CIROZ: variants seen among roughly 807,000 people sequenced by gnomAD.
CIROZ encodes the protein ciliated left-right organizer protein containing ZP-N domains, also known as ciliated left-right organizer ZP-N domains-containing protein.
the CIROZ span, chr1:10,949,911 G>A: frequency 2.6e-6 from 3 of 1,158,330 alleles, no homozygotes; most frequent in Non-Finnish European, 3.6e-6. Context: ...TTTTCCACAG[G>A]TGGGGAACGG....
the CIROZ span, among the ~76,000 whole-genome samples, chr1:10,947,416 C>T: frequency 2.4e-3 from 369 of 152,374 alleles, 1 homozygote; most frequent in African/African-American, 8.5e-3. Flanking sequence ...TCCATGGCAG[C>T]AGCTGGTACC....
the CIROZ span, among the ~76,000 whole-genome samples, chr1:10,950,263 G>A: frequency 1.4e-4 from 22 of 152,080 alleles, no homozygotes; most frequent in East Asian, 1.7e-3. Flanking sequence ...TCGAACTCCC[G>A]ACCTCAAATG....
the CIROZ span, chr1:10,954,841 C>T: frequency 1.2e-6 from 1 of 806,346 alleles, no homozygotes; most frequent in Non-Finnish European, 1.9e-6. Flanking sequence ...GACGCTCCGG[C>T]CTCGGCTTCC....
chr1:10,965,121 T>G, the CIROZ span, among the ~76,000 whole-genome samples: 1 of 151,992 alleles, frequency 6.6e-6, no homozygotes. Flanking sequence ...CCTCCCAGGC[T>G]GCCCTCATTC....
At chr1:10,981,997 A>T in the CIROZ span, 1 of 1,537,176 alleles carries the variant, frequency 6.5e-7, no homozygotes, top group East Asian at 2.4e-5. Context: ...CAATTCCTGA[A>T]TAAGGGACAC....
At chr1:10,975,590 G>GAA in the CIROZ span, among the ~76,000 whole-genome samples, 6 of 98,618 alleles carry the variant, frequency 6.1e-5, no homozygotes, top group Non-Finnish European at 8.6e-5. Context: ...CTCTGTCTCA[G>GAA]AAAAAAAAAA....
At chr1:10,968,025 G>GA in the CIROZ span, among the ~76,000 whole-genome samples, 1 of 151,680 alleles carries the variant, frequency 6.6e-6, no homozygotes, top group Non-Finnish European at 1.5e-5. Context: ...CGGCGCGGTG[G>GA]GGGGGCACCT....
At chr1:10,956,886 G>T in the CIROZ span, 1 of 722,630 alleles carries the variant, frequency 1.4e-6, no homozygotes, top group Non-Finnish European at 2.2e-6. Flanking sequence ...TTTCTGAAAC[G>T]CATAGCCAAG....
At chr1:10,973,919 G>A in the CIROZ span, among the ~76,000 whole-genome samples, 13 of 152,060 alleles carry the variant, frequency 8.5e-5, 1 homozygote, top group East Asian at 2.3e-3. Flanking sequence ...GGAGCTGGGT[G>A]TCTCTGCAGC....
the CIROZ span, among the ~76,000 whole-genome samples, chr1:10,969,457 A>G: frequency 6.6e-6 from 1 of 152,174 alleles, no homozygotes; most frequent in African/African-American, 2.4e-5. Context: ...CCCACCAAGC[A>G]TGTGATGGCC....
the CIROZ span, chr1:10,949,518 G>A: frequency 1.8e-5 from 22 of 1,225,542 alleles, no homozygotes; most frequent in East Asian, 5.6e-4. Flanking sequence ...TTGGAAGAAT[G>A]GTGGTGAAAG....
At chr1:10,966,458 A>G in the CIROZ span, 3 of 1,535,844 alleles carry the variant, frequency 2.0e-6, no homozygotes, top group Non-Finnish European at 2.6e-6. Context: ...AGAAGAATCC[A>G]GGTGGTCAGG....
the CIROZ span, among the ~76,000 whole-genome samples, chr1:10,973,072 G>A: frequency 6.6e-6 from 1 of 152,288 alleles, no homozygotes; most frequent in Admixed American, 6.5e-5. Flanking sequence ...GCCTCTGGAG[G>A]GGCTCAAGAC....
At chr1:10,965,818 G>A in the CIROZ span, among the ~76,000 whole-genome samples, 77 of 145,794 alleles carry the variant, frequency 5.3e-4, no homozygotes, top group Middle Eastern at 3.4e-3. Context: ...GCGAGCCTCC[G>A]TCAAAAAAAA....
At chr1:10,969,623 T>G in the CIROZ span, among the ~76,000 whole-genome samples, 4 of 152,326 alleles carry the variant, frequency 2.6e-5, no homozygotes, top group African/African-American at 9.6e-5. Flanking sequence ...GGGAATCTTC[T>G]AAGCACCAGG....
the CIROZ span, chr1:10,948,236 G>A: frequency 6.2e-7 from 1 of 1,613,956 alleles, no homozygotes; most frequent in African/African-American, 1.3e-5. Flanking sequence ...CCCCCTCCCT[G>A]GGGAGACCAG....
the CIROZ span, among the ~76,000 whole-genome samples, chr1:10,952,642 G>C: frequency 6.6e-6 from 1 of 152,156 alleles, no homozygotes; most frequent in African/African-American, 2.4e-5. Flanking sequence ...CGATTCTCCT[G>C]CCTCAGCCTC....
chr1:10,952,399 T>C, the CIROZ span, among the ~76,000 whole-genome samples: 1 of 152,220 alleles, frequency 6.6e-6, no homozygotes, highest in Admixed American at 6.5e-5. Flanking sequence ...ATTTTTATAC[T>C]GTACTCTGTA....
chr1:10,966,524 A>T, the CIROZ span: 258 of 1,485,890 alleles, frequency 1.7e-4, 2 homozygotes, highest in South Asian at 3.2e-3. Context: ...GAGCCTGTGG[A>T]GGTGGCTTCT....
Sources: gnomAD v4.1 joint callset for allele counts (sites outside exome capture counted in the v4.1 genomes callset) on GRCh38, gnomAD v4.1.1 for gene constraint, MANE v1.5 for transcripts, NCBI Gene and HGNC (gene_info 2026-07-23, HGNC 2026-07-21) for gene names.